PTPRG: variants seen among roughly 807,000 people sequenced by gnomAD.
PTPRG encodes receptor-type tyrosine-protein phosphatase gamma.
Under a neutral mutation model 165.3 loss-of-function variants are expected in PTPRG, and 102 were observed. That is an observed-to-expected ratio of 0.62 (90% CI 0.53 to 0.73). The LOEUF is 0.73. PTPRG is among the 30% of genes least tolerant of loss of function. The probability of loss-of-function intolerance (pLI) is 0.00; values close to 1 mark genes in which losing one functional copy is unlikely to be tolerated. For synonymous variants in PTPRG, 675 were observed against 669.5 expected, an observed-to-expected ratio of 1.01 and a Z score of -0.13; for missense variants, 1,866 against 1,861.4, an observed-to-expected ratio of 1.00 and a Z score of -0.05.
intron 17 of PTPRG, 41 bp downstream of exon 17, chr3:62,262,935 T>G: frequency 1.2e-5 from 17 of 1,474,852 alleles, no homozygotes; most frequent in Non-Finnish European, 1.6e-5. Context: ...TGCGAGGAAA[T>G]TAAATTTTCA....
intron 2 of PTPRG, among the ~76,000 whole-genome samples, chr3:61,972,696 A>G (rs1177635542): frequency 7.1e-6 from 1 of 141,676 alleles, no homozygotes; most frequent in Non-Finnish European, 1.5e-5. Flanking sequence ...TCTGTTGCCC[A>G]GGGTGGGGTA....
chr3:61,567,024 G>A (rs1699929536), intron 1 of PTPRG, among the ~76,000 whole-genome samples: 1 of 152,164 alleles, frequency 6.6e-6, no homozygotes, highest in Non-Finnish European at 1.5e-5. Flanking sequence ...AAAAATTTAG[G>A]GCATCTGAAG....
At chr3:62,236,429 T>C (rs781160873) in intron 14 of PTPRG, among the ~76,000 whole-genome samples, 6 of 152,362 alleles carry the variant, frequency 3.9e-5, no homozygotes, top group African/African-American at 7.2e-5. Context: ...CAGGGTTTAC[T>C]ACAACAGATC....
intron 7 of PTPRG, among the ~76,000 whole-genome samples, chr3:62,160,336 T>C (rs1268173435): frequency 1.3e-5 from 2 of 152,258 alleles, no homozygotes; most frequent in African/African-American, 4.8e-5. Context: ...TGCCAGCCTG[T>C]GCACTTGTAC....
At chr3:62,128,236 T>A (rs1255034616) in intron 5 of PTPRG, among the ~76,000 whole-genome samples, 1 of 152,188 alleles carries the variant, frequency 6.6e-6, no homozygotes, top group Non-Finnish European at 1.5e-5. Flanking sequence ...AAAGGGGGTG[T>A]CTGTTTCTTC....
At chr3:61,966,423 G>C (rs886978775) in intron 2 of PTPRG, among the ~76,000 whole-genome samples, 3 of 151,688 alleles carry the variant, frequency 2.0e-5, no homozygotes. Context: ...GCTCTGTCCT[G>C]ATGGAATGTT....
intron 2 of PTPRG, among the ~76,000 whole-genome samples, chr3:61,864,575 G>A (rs1168555126): frequency 1.3e-5 from 2 of 152,134 alleles, no homozygotes; most frequent in East Asian, 1.9e-4. Flanking sequence ...TTTAATAAAC[G>A]ATCAAGTTCA....
At position 62,296,645 on chromosome 3, in the gene PTPRG, CCTG is replaced by C. The variant is rs1168884377; in HGVS notation, c.*3341_*3343del. ...TGAATTTTTATATGAAGGGAAAATGCCTGCTTTTTTTTTTTTTTTAACAGATGT... is the reference window on the plus strand; with the variant it reads ...TGAATTTTTATATGAAGGGAAAATGCCTTTTTTTTTTTTTTTAACAGATGT... On this transcript the variant is annotated 3_prime_UTR_variant, in exon 30 of 30. Coordinates refer to ENST00000474889, the MANE Select transcript of PTPRG (RefSeq NM_002841.4). 2.6e-4 allele frequency: 39 copies of C among 150,928 alleles called. No individual in the cohort carries two copies. The highest frequency in any genetic ancestry group is 2.0e-3 in the Admixed American group (31 of 15,146). The allele number at this position is 150,928 out of a possible 1,614,324, so 9.3% of individuals were successfully genotyped here. A position where few individuals can be genotyped will look rare whatever the true frequency, so the allele number is the denominator to read the frequency against.
chr3:62,250,319 C>T (rs1452330338), intron 15 of PTPRG, among the ~76,000 whole-genome samples: 2 of 152,148 alleles, frequency 1.3e-5, no homozygotes, highest in Non-Finnish European at 2.9e-5. Flanking sequence ...TCCTGATACA[C>T]AGCAAGCATC....
intron 1 of PTPRG, among the ~76,000 whole-genome samples, chr3:61,563,902 G>A (rs1043867630): frequency 1.3e-5 from 2 of 152,214 alleles, no homozygotes; most frequent in Admixed American, 1.3e-4. Flanking sequence ...CTGGTATTCT[G>A]CACCCCCTTT....
At chr3:61,915,884 A>T (rs1274935806) in intron 2 of PTPRG, among the ~76,000 whole-genome samples, 2 of 152,244 alleles carry the variant, frequency 1.3e-5, no homozygotes, top group Non-Finnish European at 2.9e-5. Flanking sequence ...AGTTTAAGAC[A>T]GCTTGAGTTG....
chr3:61,816,978 ATATAT>A (rs1414678651), intron 2 of PTPRG, among the ~76,000 whole-genome samples: 1 of 132,808 alleles, frequency 7.5e-6, no homozygotes, highest in Admixed American at 8.8e-5. Context: ...AATCACTTAT[ATATAT>A]ATTATATATA....
Position 62,219,713 on chromosome 3 carries a change from G to T in PTPRG, c.2288+730G>T, listed in dbSNP as rs552883860. Among the ~76,000 whole-genome samples the T allele has an allele frequency of 6.6e-6, 1 of 152,282 alleles. No individual in the cohort carries two copies. Among genetic ancestry groups the T allele is most frequent in the African/African-American group, 2.4e-5 (1 of 41,550 alleles). On this transcript the variant is annotated intron_variant, in intron 13 of 29. Transcript: ENST00000474889. This position sits in a 1 kb window ranked among gnomAD's most constrained non-coding sequence, Gnocchi z 4.5. Reference sequence around the variant, plus strand: ...GACAGGCTTCACCAGTGAGAAACAGGTGTCATATTTTCATCTCTCCCTCCC... The same window carrying T: ...GACAGGCTTCACCAGTGAGAAACAGTTGTCATATTTTCATCTCTCCCTCCC...
At chr3:61,598,429 A>T (rs1175829334) in intron 1 of PTPRG, among the ~76,000 whole-genome samples, 1 of 152,064 alleles carries the variant, frequency 6.6e-6, no homozygotes, top group African/African-American at 2.4e-5. Flanking sequence ...CTGAACTAGG[A>T]TGTGAGGTTG....
At chr3:61,643,265 GAGAGAGAGAGAA>G (rs1437002133) in intron 1 of PTPRG, among the ~76,000 whole-genome samples, 3 of 150,820 alleles carry the variant, frequency 2.0e-5, no homozygotes, top group Admixed American at 6.6e-5. Flanking sequence ...TCTGGGGAGA[GAGAGAGAGAGAA>G]AGAGAGAGAG....
At chr3:61,975,683 G>A (rs967100464) in intron 2 of PTPRG, among the ~76,000 whole-genome samples, 2 of 148,236 alleles carry the variant, frequency 1.3e-5, no homozygotes, top group African/African-American at 2.5e-5. Context: ...TTTTATGGTG[G>A]CAACTTTGTT....
intron 1 of PTPRG, among the ~76,000 whole-genome samples, chr3:61,690,929 A>T (rs559233094): frequency 2.9e-4 from 44 of 152,184 alleles, no homozygotes; most frequent in Non-Finnish European, 5.0e-4. Context: ...CTGAGATGAG[A>T]CTGCTCAGAG....
At chr3:61,662,314 G>A (rs1421645437) in intron 1 of PTPRG, among the ~76,000 whole-genome samples, 2 of 152,150 alleles carry the variant, frequency 1.3e-5, no homozygotes, top group African/African-American at 4.8e-5. Flanking sequence ...AAAGCCACCT[G>A]CCATGTTGTG....
In PTPRG at chr3:62,269,289, A is replaced by AT. The variant is rs540236518; in HGVS notation, c.3009+126dup. Reference sequence around the variant, plus strand: ...GGTTTTTAAAAAGTATTTTTAAAACATTTTTTCATAACTCTTTTGATTGAC... The same window carrying AT: ...GGTTTTTAAAAAGTATTTTTAAAACATTTTTTTCATAACTCTTTTGATTGAC... On this transcript the variant is annotated intron_variant, in intron 20 of 29. Transcript: ENST00000474889. 1.7e-3 allele frequency: 1,766 copies of AT among 1,052,764 alleles called. 7 individuals are homozygous for AT. The highest frequency in any genetic ancestry group is 1.6e-3 in the Non-Finnish European group (1,221 of 763,918). The allele number at this position is 1,052,764 out of a possible 1,614,324, so 65.2% of individuals were successfully genotyped here.
Sources: gnomAD v4.1 joint callset for allele counts (sites outside exome capture counted in the v4.1 genomes callset) on GRCh38, gnomAD v4.1.1 for gene constraint, Gnocchi (gnomAD v3.1) non-coding constraint, MANE v1.5 for transcripts, NCBI Gene and HGNC (gene_info 2026-07-23, HGNC 2026-07-21) for gene names.